FLNA: variants seen among roughly 807,000 people sequenced by gnomAD.
FLNA encodes the protein filamin A, also known as filamin-A.
Under a neutral mutation model 157.6 loss-of-function variants are expected in FLNA, and 7 were observed. That is an observed-to-expected ratio of 0.04 (90% CI 0.03 to 0.08). FLNA has a LOEUF of 0.08. FLNA is among the 10% of genes least tolerant of loss of function. The pLI is 1.00. For synonymous variants in FLNA, 1,103 were observed against 1,060.8 expected (o/e 1.04, Z -0.77); for missense variants, 1,750 against 2,398.4 (o/e 0.73, Z 5.65).
chrX:154,361,097 A>T lies in FLNA; in HGVS notation c.3207+211T>A, dbSNP rs2067706535. 4.8e-5 allele frequency among the ~76,000 whole-genome samples: 5 copies of T among 103,160 alleles called. No individual in the cohort carries two copies. In the East Asian group the frequency reaches 1.2e-3, roughly 24 times the overall value. The allele number at this position is 103,160 out of a possible 115,157, so 89.6% of individuals were successfully genotyped here. A position where few individuals can be genotyped will look rare whatever the true frequency, so the allele number is the denominator to read the frequency against. On this transcript the variant is annotated intron_variant, in intron 21 of 47. Coordinates refer to ENST00000369850, the MANE Select transcript of FLNA (RefSeq NM_001110556.2). ...AAAAAAAAGAAAGAAAAAAAAAAAA[A>T]AGAAATTCTTCAACCCTGATGACTT...
Position 154,358,277 on chromosome X carries a change from G to A in FLNA, c.4677C>T (p.Gly1559=), listed in dbSNP as rs782564959. 1.6e-5 allele frequency: 19 copies of A among 1,211,059 alleles called. No individual in the cohort carries two copies. Among genetic ancestry groups the A allele is most frequent in the Admixed American group, 2.2e-5 (1 of 46,117 alleles). The change falls in exon 28 of 48, where the codon GGC becomes GGT. Residue 1559 remains glycine, a synonymous_variant. Transcript: ENST00000369850. ...KASGPGLNTT[G]VPASLPVEFT... ...ACTCCACGGGCAGGCTGGCAGGCACGCCAGTGGTGTTGAGCCCGGGGCCAC... is the reference window on the plus strand; with the variant it reads ...ACTCCACGGGCAGGCTGGCAGGCACACCAGTGGTGTTGAGCCCGGGGCCAC...
chrX:154,353,769 C>A, intron 35 of FLNA, 42 bp from the exon 36 acceptor site: 2 of 1,199,101 alleles, frequency 1.7e-6, no homozygotes, highest in Non-Finnish European at 2.3e-6. Context: ...ATGCTGGGGA[C>A]ACTCCAGTTG....
intron 21 of FLNA, among the ~76,000 whole-genome samples, chrX:154,360,917 G>A (rs945430396): frequency 2.8e-5 from 3 of 107,188 alleles, no homozygotes; most frequent in Non-Finnish European, 5.8e-5. Flanking sequence ...CATGGTGGCG[G>A]GCACCTGTAA....
Position 154,364,879 on chromosome X carries a change from G to T in FLNA, c.1770C>A (p.Val590=), listed in dbSNP as rs782619869. 1 of 1,211,516 alleles carries T rather than the reference G, an allele frequency of 8.3e-7. No homozygotes were observed. The highest frequency in any genetic ancestry group is 1.1e-6 in the Non-Finnish European group (1 of 895,540). Residue 590 remains valine (V), a synonymous_variant, in exon 12 of 48, where the codon GTC becomes GTA. Transcript: ENST00000369850. The part of the protein sequence containing the change: ...RAWGPGLEGG[V]VGKSADFVVE... ...CCACAAAGTCTGCTGACTTGCCAAC[G>T]ACGCCGCCCTCCAGCCCAGGGCCCC...
At chrX:154,355,479 CTG>C (rs1401744310) in intron 30 of FLNA, among the ~76,000 whole-genome samples, 3 of 113,826 alleles carry the variant, frequency 2.6e-5, no homozygotes, top group African/African-American at 6.4e-5. Context: ...GCCCCCATTG[CTG>C]TGTGTGGACG....
rs374641129 is a variant in FLNA, at chrX:154,361,084, GA to G, written c.3207+223del. Among the ~76,000 whole-genome samples, 1,679 of 52,375 alleles carry G rather than the reference GA, an allele frequency of 0.032. 30 individuals carry two copies. Among genetic ancestry groups the G allele is most frequent in the African/African-American group, 0.12 (1,495 of 12,635 alleles). 45.5% of individuals were successfully genotyped at this position (52,375 alleles called of 115,157 possible). On this transcript the variant is annotated intron_variant, in intron 21 of 47. Coordinates refer to ENST00000369850, the MANE Select transcript of FLNA (RefSeq NM_001110556.2). ...AAAAAAAAAAAAAAAAAAAAAGAAA[GA>G]AAAAAAAAAAAAAGAAATTCTTCAA... is the stretch of plus-strand genomic sequence containing the variant.
chrX:154,356,712 C>T (rs1215491850), intron 30 of FLNA, among the ~76,000 whole-genome samples: 3 of 112,411 alleles, frequency 2.7e-5, no homozygotes, highest in East Asian at 2.8e-4. Context: ...GAGGCTGGGC[C>T]GGGCCCCGCC....
rs2067794544 is a variant in FLNA, at chrX:154,370,243, T to C, written c.373+630A>G. Among the ~76,000 whole-genome samples, 5 of 112,474 alleles carry C rather than the reference T, an allele frequency of 4.4e-5. No individual in the cohort carries two copies. In the Admixed American group the frequency reaches 4.7e-4, roughly 10 times the overall value. Reference sequence around the variant, plus strand: ...GCGTCCAAGTAGTCTACAAGCCAGGTCTCTCAGTCAACCACGCCCAACTCA... The same window carrying C: ...GCGTCCAAGTAGTCTACAAGCCAGGCCTCTCAGTCAACCACGCCCAACTCA... On this transcript the variant is annotated intron_variant, in intron 2 of 47. Transcript: ENST00000369850.
chrX:154,370,791 T>C, intron 2 of FLNA, 82 bp downstream of exon 2: 3 of 1,065,739 alleles, frequency 2.8e-6, no homozygotes, highest in South Asian at 4.0e-5. Context: ...AAGGGGGTGG[T>C]TTGGAGGGGT....
Position 154,352,869 on chromosome X carries a change from T to C in FLNA, c.6282A>G (p.Thr2094=). 8.3e-7 allele frequency: 1 copy of C among 1,211,775 alleles called. No individual in the cohort carries two copies. Among genetic ancestry groups the C allele is most frequent in the Non-Finnish European group, 1.1e-6 (1 of 895,323 alleles). ...IEGPSKVDIN[T]EDLEDGTCRV... Reference sequence around the variant, plus strand: ...TGCACGTCCCGTCCTCCAGGTCCTCTGTGTTGATGTCCACCTTGCTGGGGC... The same window carrying C: ...TGCACGTCCCGTCCTCCAGGTCCTCCGTGTTGATGTCCACCTTGCTGGGGC... The change falls in exon 39 of 48, where the codon ACA becomes ACG. Residue 2094 remains threonine (T), a synonymous_variant. Transcript: ENST00000369850.
intron 2 of FLNA, among the ~76,000 whole-genome samples, chrX:154,370,509 G>C (rs1241951850): frequency 8.9e-6 from 1 of 112,784 alleles, no homozygotes; most frequent in African/African-American, 3.2e-5. Context: ...GGAGAGCCCG[G>C]GCCTCCTCCT....
chrX:154,351,414 T>G (rs1313461960), intron 43 of FLNA, 167 bp downstream of exon 43: 4 of 451,926 alleles, frequency 8.9e-6, no homozygotes, highest in Non-Finnish European at 7.8e-6. Flanking sequence ...GGCAGGATAT[T>G]TCCTGCCGAC....
rs1198347099 is a variant in FLNA, at chrX:154,364,729, G to A, written c.1829-10C>T. On this transcript the variant is annotated splice_polypyrimidine_tract_variant and intron_variant, in intron 12 of 47. Transcript: ENST00000369850. ...CCTTCCACCGAGAAGCCTGACAACA[G>A]CCACCAGTCCCCTCAGTGCCCTGGA... 6.6e-6 allele frequency: 8 copies of A among 1,207,094 alleles called. No individual in the cohort carries two copies. Among genetic ancestry groups the A allele is most frequent in the Non-Finnish European group, 8.9e-6 (8 of 894,522 alleles).
At chrX:154,370,803 C>A in intron 2 of FLNA, 70 bp downstream of exon 2, 1 of 1,135,799 alleles carries the variant, frequency 8.8e-7, no homozygotes, top group South Asian at 1.9e-5. Context: ...TGGAGGGGTC[C>A]GCCCGGGGAG....
chrX:154,358,105 G>A (rs782556477), intron 28 of FLNA, 94 bp downstream of exon 28: 2 of 1,003,644 alleles, frequency 2.0e-6, no homozygotes, highest in Admixed American at 4.4e-5. Context: ...CCTCCTTGGT[G>A]CAGCTCCGCA....
intron 30 of FLNA, among the ~76,000 whole-genome samples, chrX:154,355,802 C>T (rs116703563): frequency 0.039 from 4,415 of 112,521 alleles, 218 homozygotes; most frequent in African/African-American, 0.13. Context: ...CCAGAGTGCC[C>T]GAGGAAAGGG....
At chrX:154,366,686 T>TGAAAGGGAGCGCTGCG in intron 6 of FLNA, 46 bp downstream of exon 6, 2 of 1,200,351 alleles carry the variant, frequency 1.7e-6, no homozygotes, top group Non-Finnish European at 2.3e-6. Context: ...GCAGCCCCAC[T>TGAAAGGGAGCGCTGCG]GAAAGGGAGC....
In FLNA at chrX:154,366,217, G is replaced by A. The variant is rs782659925; in HGVS notation, c.1236C>T (p.Gly412=). 1.7e-6 allele frequency: 2 copies of A among 1,210,511 alleles called. No individual in the cohort carries two copies. Among genetic ancestry groups the A allele is most frequent in the South Asian group, 1.8e-5 (1 of 56,982 alleles). ...TYFEIFTAGA[G]TGEVEVVIQD... is the part of the protein sequence containing the mutation. ...GGATCACAACCTCGACCTCGCCCGT[G>A]CCAGCTCCTGCCACGAGGCACCTGC... Residue 412 remains glycine (G), a synonymous_variant, in exon 9 of 48, where the codon GGC becomes GGT. Transcript: ENST00000369850.
Position 154,367,924 on chromosome X carries a change from C to G in FLNA, c.540G>C (p.Leu180=). The G allele has an allele frequency of 8.3e-7, 1 of 1,211,364 alleles. No homozygotes were observed. Among genetic ancestry groups the G allele is most frequent in the African/African-American group, 1.7e-5 (1 of 57,819 alleles). The change falls in exon 3 of 48, where the codon CTG becomes CTC. Residue 180 remains leucine (L), a synonymous_variant. Coordinates refer to ENST00000369850, the MANE Select transcript of FLNA (RefSeq NM_001110556.2). ...TGAAGTTGGTGATGGGCAGCTGCGG[C>G]AGCTTGTTCTGGATCCAGCCCAGGA... ...QRLLGWIQNK[L]PQLPITNFSR...
Sources: allele counts gnomAD v4.1 joint callset (sites outside exome capture counted in the v4.1 genomes callset), GRCh38; gene constraint gnomAD v4.1.1; transcripts MANE v1.5; gene names NCBI Gene and HGNC (gene_info 2026-07-23, HGNC 2026-07-21).